The following XYLB variants were observed in gnomAD, a reference collection of about 807,000 sequenced individuals.
XYLB encodes the protein xylulokinase.
XYLB carries 62 observed loss-of-function variants against 78.7 expected under a neutral mutation model. The observed-to-expected ratio is 0.79, with a 90% CI of 0.64 to 0.97. XYLB has a LOEUF of 0.97. Among genes scored for constraint, XYLB ranks in the 50% least tolerant of loss-of-function variants. XYLB has a pLI of 0.00. For synonymous variants in XYLB, 245 were observed against 247.4 expected, an observed-to-expected ratio of 0.99 and a Z score of 0.09; for missense variants, 687 against 676.8, an observed-to-expected ratio of 1.02 and a Z score of -0.17.
chr3:38,401,118 T>C (rs1482641512), intron 18 of XYLB, 133 bp downstream of exon 18: 2 of 776,934 alleles, frequency 2.6e-6, no homozygotes, highest in East Asian at 2.7e-5. Context: ...TTATTGAAAT[T>C]ATCAAGAAAA....
downstream of XYLB, among the ~76,000 whole-genome samples, chr3:38,424,516 A>C (rs1342638100): frequency 6.6e-6 from 1 of 152,262 alleles, no homozygotes; most frequent in African/African-American, 2.4e-5. Context: ...TCTCCCTAGA[A>C]TAACTAAATT....
downstream of XYLB, among the ~76,000 whole-genome samples, chr3:38,426,312 G>T (rs184105827): frequency 1.4e-3 from 217 of 152,314 alleles, 1 homozygote; most frequent in Middle Eastern, 6.8e-3. Context: ...ATAGAATGCA[G>T]TTACAATGTG....
the XYLB span, among the ~76,000 whole-genome samples, chr3:38,438,221 T>C: frequency 6.6e-6 from 1 of 150,958 alleles, no homozygotes; most frequent in Non-Finnish European, 1.5e-5. Flanking sequence ...AGCAAGACCC[T>C]GTCTCCATTT....
intron 4 of XYLB, among the ~76,000 whole-genome samples, chr3:38,363,287 A>G (rs570333227): frequency 1.2e-4 from 18 of 152,288 alleles, no homozygotes; most frequent in Admixed American, 6.5e-4. Flanking sequence ...TCTGAAGGGG[A>G]TGGAGGAAGC....
intron 11 of XYLB, among the ~76,000 whole-genome samples, 186 bp downstream of exon 11, chr3:38,374,688 C>T (rs775032989): frequency 2.6e-5 from 4 of 152,006 alleles, no homozygotes; most frequent in South Asian, 2.1e-4. Context: ...GGGATGGGGG[C>T]GCACATCTTT....
chr3:38,444,773 A>T, the XYLB span, among the ~76,000 whole-genome samples: 1 of 152,076 alleles, frequency 6.6e-6, no homozygotes, highest in Non-Finnish European at 1.5e-5. Context: ...AAAACCGCCC[A>T]TGGTTTTGGT....
chr3:38,348,284 C>T (rs1257009766), intron 1 of XYLB, among the ~76,000 whole-genome samples: 2 of 152,200 alleles, frequency 1.3e-5, no homozygotes, highest in East Asian at 1.9e-4. Context: ...AGGGTCTTGG[C>T]TTTGGCTATT....
At chr3:38,448,110 G>A in the XYLB span, among the ~76,000 whole-genome samples, 10 of 152,106 alleles carry the variant, frequency 6.6e-5, no homozygotes, top group East Asian at 1.9e-3. Context: ...GATGGATCTG[G>A]ATATATCTTA....
chr3:38,439,903 C>T, the XYLB span, among the ~76,000 whole-genome samples: 1 of 152,204 alleles, frequency 6.6e-6, no homozygotes, highest in Non-Finnish European at 1.5e-5. Context: ...GTCCTCCTTT[C>T]TCAGCAGTGA....
chr3:38,356,607 A>G (rs2517969), intron 2 of XYLB: 128,867 of 152,046 alleles, frequency 0.85, 55,911 homozygotes, highest in East Asian at 1. Flanking sequence ...CTTTTTGTTT[A>G]TTTCAAATAC....
downstream of XYLB, among the ~76,000 whole-genome samples, chr3:38,425,626 A>C (rs1429911667): frequency 6.6e-6 from 1 of 152,250 alleles, no homozygotes; most frequent in East Asian, 1.9e-4. Context: ...CCAATAACAA[A>C]AAGTTGGGAA....
intron 17 of XYLB, among the ~76,000 whole-genome samples, chr3:38,399,204 A>T (rs116098089): frequency 0.013 from 1,952 of 151,824 alleles, 36 homozygotes; most frequent in African/African-American, 0.043. Flanking sequence ...GACTCAGGTG[A>T]TCTTCCCACC....
At chr3:38,427,512 A>T in the XYLB span, among the ~76,000 whole-genome samples, 1 of 152,148 alleles carries the variant, frequency 6.6e-6, no homozygotes, top group African/African-American at 2.4e-5. Flanking sequence ...AATTTTATTG[A>T]TCACACTTTT....
chr3:38,358,217 T>TCCCAGCACTTTGGGAGGCTG (rs1553650553), intron 2 of XYLB, among the ~76,000 whole-genome samples: 1 of 127,772 alleles, frequency 7.8e-6, no homozygotes, highest in East Asian at 2.3e-4. Flanking sequence ...AAAAGTTTGG[T>TCCCAGCACTTTGGGAGGCTG]ATAATTTTTC....
intron 18 of XYLB, among the ~76,000 whole-genome samples, chr3:38,412,325 G>T (rs549549385): frequency 6.6e-6 from 1 of 152,274 alleles, no homozygotes; most frequent in Admixed American, 6.5e-5. Flanking sequence ...CTGTAACCTG[G>T]TTGGGAGGCA....
chr3:38,442,338 T>A, the XYLB span, among the ~76,000 whole-genome samples: 1 of 152,196 alleles, frequency 6.6e-6, no homozygotes, highest in Non-Finnish European at 1.5e-5. Flanking sequence ...AAGTAAATCA[T>A]CCACATGCTA....
chr3:38,409,501 A>C lies in XYLB; in HGVS notation c.1534-3435A>C, dbSNP rs182430159. Among the ~76,000 whole-genome samples, 687 of 152,076 alleles carry C rather than the reference A, an allele frequency of 4.5e-3. 5 individuals are homozygous for C. Among genetic ancestry groups the C allele is most frequent in the African/African-American group, 0.015 (642 of 41,466 alleles). On this transcript the variant is annotated intron_variant, in intron 18 of 18. Coordinates refer to ENST00000207870, the MANE Select transcript of XYLB (RefSeq NM_005108.4). Reference sequence around the variant, plus strand: ...CAAGACAGGGATGCCCTCTCTCACCACTCCTATTCAACGTAGTGTTGGAAG... The same window carrying C: ...CAAGACAGGGATGCCCTCTCTCACCCCTCCTATTCAACGTAGTGTTGGAAG...
chr3:38,444,564 G>T, the XYLB span, among the ~76,000 whole-genome samples: 3 of 152,154 alleles, frequency 2.0e-5, no homozygotes, highest in Non-Finnish European at 2.9e-5. Flanking sequence ...AGGTCAAGCT[G>T]CAGGATAGTA....
At chr3:38,435,142 G>T in the XYLB span, among the ~76,000 whole-genome samples, 13 of 152,048 alleles carry the variant, frequency 8.5e-5, no homozygotes, top group East Asian at 3.9e-4. Flanking sequence ...TGATCAAATA[G>T]ATTTTTTTAA....
Sources: allele counts gnomAD v4.1 joint callset (sites outside exome capture counted in the v4.1 genomes callset), GRCh38; gene constraint gnomAD v4.1.1; transcripts MANE v1.5; gene names NCBI Gene and HGNC (gene_info 2026-07-23, HGNC 2026-07-21).